Variants in TMEM164 observed in about 807,000 individuals in gnomAD.
The protein encoded by TMEM164 is RP13-360B22.2.
TMEM164 carries 4 observed loss-of-function variants against 18.8 expected under a neutral mutation model. The ratio of observed to expected loss-of-function variants is 0.21; its 90% CI spans 0.10 to 0.49. The LOEUF (loss-of-function observed/expected upper bound fraction) is 0.49. TMEM164 is among the 20% of genes least tolerant of loss of function. The pLI, the probability that TMEM164 is intolerant of heterozygous loss-of-function variation, is 0.98. For synonymous variants in TMEM164, 86 were observed against 101.7 expected (o/e 0.85, Z 0.93); for missense variants, 108 against 239.9 (o/e 0.45, Z 3.63).
At chrX:110,105,116 C>T (rs2066168150) in intron 3 of TMEM164, among the ~76,000 whole-genome samples, 1 of 107,621 alleles carries the variant, frequency 9.3e-6, no homozygotes, top group Non-Finnish European at 1.9e-5. Context: ...TCCTTCACTC[C>T]TTTCCCTCCC....
In TMEM164 at chrX:110,021,023, G is replaced by A. The variant is rs150147440; in HGVS notation, c.390+16859G>A. Among the ~76,000 whole-genome samples, 73 of 93,882 alleles carry A rather than the reference G, an allele frequency of 7.8e-4. 4 individuals carry two copies. The East Asian group carries it at 0.028, about 35-fold the overall frequency. 81.5% of individuals were successfully genotyped at this position (93,882 alleles called of 115,157 possible). A position where few individuals can be genotyped will look rare whatever the true frequency, so the allele number is the denominator to read the frequency against. Reference sequence around the variant, plus strand: ...CCAAGCAGCCTCTTTATATGTGCATGTTTATGAGCACATTTTAAAAATCTG... The same window carrying A: ...CCAAGCAGCCTCTTTATATGTGCATATTTATGAGCACATTTTAAAAATCTG... On this transcript the variant is annotated intron_variant, in intron 2 of 6. Transcript: ENST00000372068.
intron 3 of TMEM164, among the ~76,000 whole-genome samples, chrX:110,070,326 T>TA (rs900643436): frequency 9.0e-6 from 1 of 110,913 alleles, no homozygotes; most frequent in African/African-American, 3.3e-5. Context: ...AAAAAAAACA[T>TA]AAAAAAAATT....
At chrX:110,017,512 C>CTCCT (rs767793658) in intron 2 of TMEM164, among the ~76,000 whole-genome samples, 12 of 20,158 alleles carry the variant, frequency 6.0e-4, no homozygotes, top group African/African-American at 2.9e-3. Flanking sequence ...CCCTCCCTCC[C>CTCCT]TCCTTCCTTC....
intron 2 of TMEM164, chrX:110,020,741 G>GGA: frequency 4.2e-6 from 3 of 714,255 alleles, no homozygotes; most frequent in Non-Finnish European, 5.0e-6. Flanking sequence ...CTCTACAAAT[G>GGA]TTAATGTGTG....
chrX:110,147,256 T>C (rs1194522250), intron 5 of TMEM164, among the ~76,000 whole-genome samples: 1 of 111,645 alleles, frequency 9.0e-6, no homozygotes, highest in Non-Finnish European at 1.9e-5. Context: ...TCTGGAACTC[T>C]ATTTCTTTTT....
chrX:110,065,004 A>G (rs920216647), intron 2 of TMEM164: 73 of 104,222 alleles, frequency 7.0e-4, no homozygotes, highest in African/African-American at 2.5e-3. Flanking sequence ...CAAAAAAAAA[A>G]AAAAAAAAAA....
intron 2 of TMEM164, among the ~76,000 whole-genome samples, chrX:110,052,789 C>T (rs1351357215): frequency 6.2e-5 from 5 of 80,482 alleles, no homozygotes; most frequent in Non-Finnish European, 1.1e-4. Context: ...CTTGCTCTGT[C>T]GCATAGGCTG....
In TMEM164 at chrX:110,070,255, G is replaced by A. The variant is rs781310204; in HGVS notation, c.440+2859G>A. 7.2e-5 allele frequency among the ~76,000 whole-genome samples: 8 copies of A among 111,687 alleles called. No individual in the cohort carries two copies. In the South Asian group the frequency reaches 3.0e-3, roughly 42 times the overall value. ...CACTTGAACCCAGGAGGCGGATGTT[G>A]CAGTGAGCCAGGACTGTGCCACTGC... On this transcript the variant is annotated intron_variant, in intron 3 of 6. Coordinates refer to ENST00000372068, the MANE Select transcript of TMEM164 (RefSeq NM_032227.4).
At chrX:110,025,920 T>A (rs181981803) in intron 2 of TMEM164, among the ~76,000 whole-genome samples, 20 of 112,694 alleles carry the variant, frequency 1.8e-4, no homozygotes, top group African/African-American at 5.8e-4. Context: ...CTATTACTCA[T>A]GAGCTGTGTG....
chrX:110,171,485 T>G lies in TMEM164; in HGVS notation c.652T>G (p.Phe218Val), dbSNP rs1159686583. 1 of 1,211,499 alleles carries G rather than the reference T, an allele frequency of 8.3e-7. No homozygotes were observed. The change falls in exon 6 of 7, where the codon TTT becomes GTT. Residue 218 changes from phenylalanine to valine, a missense_variant. Physicochemically the swap from Phe to Val is conservative, Grantham distance 50. Transcript: ENST00000372068. ...TCTTCTCTCAACTGGCCTCATGTTCTTTTATCACTTCAGCGTCTTGCAGAT... is the reference window on the plus strand; with the variant it reads ...TCTTCTCTCAACTGGCCTCATGTTCGTTTATCACTTCAGCGTCTTGCAGAT... ...WALLSTGLMF[F>V]YHFSVLQILG...
intron 3 of TMEM164, among the ~76,000 whole-genome samples, chrX:110,076,947 G>A: frequency 8.9e-6 from 1 of 112,212 alleles, no homozygotes; most frequent in East Asian, 2.8e-4. Flanking sequence ...GTTGGGTGGA[G>A]TGTTCTGTAG....
chrX:110,006,173 T>C (rs1357041632), intron 2 of TMEM164, among the ~76,000 whole-genome samples: 1 of 111,369 alleles, frequency 9.0e-6, no homozygotes. Context: ...TAGATGGGTA[T>C]GCAACAGAGA....
intron 4 of TMEM164, among the ~76,000 whole-genome samples, chrX:110,137,645 C>T (rs182073142): frequency 2.7e-5 from 3 of 111,809 alleles, no homozygotes; most frequent in East Asian, 5.6e-4. Context: ...AAAGCCAATA[C>T]ATGATCTACA....
intron 5 of TMEM164, 63 bp from the exon 6 acceptor site, chrX:110,171,357 C>T (rs2067228402): frequency 9.4e-6 from 8 of 853,862 alleles, no homozygotes; most frequent in African/African-American, 4.0e-5. Context: ...CCTGCACCCT[C>T]ATGGTACAAA....
intron 4 of TMEM164, among the ~76,000 whole-genome samples, chrX:110,129,487 A>G (rs1475077798): frequency 2.7e-5 from 3 of 112,877 alleles, no homozygotes; most frequent in Non-Finnish European, 5.6e-5. Flanking sequence ...TGGATGCCGT[A>G]TCCCACTTAT....
At chrX:110,144,766 C>A in intron 4 of TMEM164, 32 bp from the exon 5 acceptor site, 1 of 1,162,245 alleles carries the variant, frequency 8.6e-7, no homozygotes, top group African/African-American at 1.8e-5. Flanking sequence ...GCTTCCTGCT[C>A]TAAAACACTT....
At chrX:110,131,105 A>C (rs2066606213) in intron 4 of TMEM164, among the ~76,000 whole-genome samples, 1 of 111,458 alleles carries the variant, frequency 9.0e-6, no homozygotes, top group Non-Finnish European at 1.9e-5. Flanking sequence ...TGTTAGGGGG[A>C]GATGTTAGAA....
intron 3 of TMEM164, among the ~76,000 whole-genome samples, chrX:110,085,562 C>A (rs960420694): frequency 1.8e-5 from 2 of 110,823 alleles, no homozygotes; most frequent in African/African-American, 6.6e-5. Context: ...AGCTCAGATT[C>A]TCTCTCATAT....
chrX:110,164,589 G>A (rs2067135444), intron 5 of TMEM164, among the ~76,000 whole-genome samples: 1 of 111,289 alleles, frequency 9.0e-6, no homozygotes, highest in African/African-American at 3.3e-5. Flanking sequence ...AAGAGGCCGA[G>A]GAACTGACAG....
Sources: gnomAD v4.1 joint callset for allele counts (sites outside exome capture counted in the v4.1 genomes callset) on GRCh38, gnomAD v4.1.1 for gene constraint, MANE v1.5 for transcripts, NCBI Gene and HGNC (gene_info 2026-07-23, HGNC 2026-07-21) for gene names.